The following GPI variants were observed in gnomAD, a reference collection of about 807,000 sequenced individuals.
The protein encoded by GPI is glucose-6-phosphate isomerase, also known as D-hexose-6-phosphate anomerase.
In GPI, 56 loss-of-function variants were observed where a neutral mutation model predicts 75.8. That is an observed-to-expected ratio of 0.74 (90% CI 0.60 to 0.92). The LOEUF (loss-of-function observed/expected upper bound fraction) is 0.92. GPI is among the 40% of genes least tolerant of loss of function. The probability of loss-of-function intolerance (pLI) is 0.00; values close to 1 mark genes in which losing one functional copy is unlikely to be tolerated. For missense variants in GPI, 638 were observed against 741.0 expected (o/e 0.86, Z 1.61); for synonymous variants, 288 against 285.4 (o/e 1.01, Z -0.09).
chr19:34,397,185 T>C (rs2074958616), intron 14 of GPI: 1 of 181,272 alleles, frequency 5.5e-6, no homozygotes, highest in Admixed American at 5.4e-5. Context: ...CAGGCTGAAA[T>C]CAAGGTGTCA....
In GPI at chr19:34,365,609, T is replaced by G. The variant is rs759270125; in HGVS notation, c.122+221T>G. The G allele has an allele frequency of 1.5e-5, 12 of 776,128 alleles. No homozygotes were observed. The Admixed American group carries it at 1.7e-4, about 11-fold the overall frequency. The allele number at this position is 776,128 out of a possible 1,614,324, so 48.1% of individuals were successfully genotyped here. Reference sequence around the variant, plus strand: ...TCGCCGGGAGTCTCGGCCCCGGGTCTGCTTCGTTACGAGGAAAAACGGGCC... The same window carrying G: ...TCGCCGGGAGTCTCGGCCCCGGGTCGGCTTCGTTACGAGGAAAAACGGGCC... On this transcript the variant is annotated intron_variant, in intron 1 of 17. Transcript: ENST00000356487.
At chr19:34,392,040 A>G (rs75226902) in intron 9 of GPI, among the ~76,000 whole-genome samples, 188 of 3,736 alleles carry the variant, frequency 0.05, no homozygotes, top group African/African-American at 0.063. Flanking sequence ...AATGTCTGAG[A>G]AGGTAGGATC....
Position 34,396,476 on chromosome 19 carries a change from G to C in GPI, c.1192+46G>C, listed in dbSNP as rs141136325. 158 of 1,613,582 alleles carry C rather than the reference G, an allele frequency of 9.8e-5. No homozygotes were observed. In the East Asian group the frequency reaches 3.4e-3, roughly 35 times the overall value. On this transcript the variant is annotated intron_variant, in intron 13 of 17. Transcript: ENST00000356487. ...AAGGGTGATGTTGGGGGAGGGAAAGGATCTTCCAGAAGAGATATCTCACTT... is the reference window on the plus strand; with the variant it reads ...AAGGGTGATGTTGGGGGAGGGAAAGCATCTTCCAGAAGAGATATCTCACTT...
At chr19:34,368,102 G>A (rs763235111) in intron 3 of GPI, among the ~76,000 whole-genome samples, 33 of 152,132 alleles carry the variant, frequency 2.2e-4, no homozygotes, top group Admixed American at 7.2e-4. Flanking sequence ...TGTATTTTTA[G>A]TAGAGACAGG....
In GPI at chr19:34,393,404, C is replaced by A; in HGVS notation, c.865+96C>A. On this transcript the variant is annotated intron_variant, in intron 10 of 17. Transcript: ENST00000356487. The surrounding 1 kb of genome is among the most constrained non-coding windows in gnomAD (Gnocchi z 4.4). ...TTGTGTCCCTGAACATCATGCTGTC[C>A]TCACAGGCTGCTGGCCTCTCTGCAG... 1 of 955,334 alleles carries A rather than the reference C, an allele frequency of 1.0e-6. No individual in the cohort carries two copies. Among genetic ancestry groups the A allele is most frequent in the East Asian group, 2.4e-5 (1 of 41,890 alleles). 59.2% of individuals were successfully genotyped at this position (955,334 alleles called of 1,614,324 possible).
At position 34,393,816 on chromosome 19, in the gene GPI, C is replaced by T. The variant is rs545958007; in HGVS notation, c.909+45C>T. 27 of 1,608,474 alleles carry T rather than the reference C, an allele frequency of 1.7e-5. No individual in the cohort carries two copies. Among genetic ancestry groups the T allele is most frequent in the South Asian group, 5.5e-5 (5 of 90,962 alleles). ...CTCTGCCAAGTGCTGGCCAGAGGCG[C>T]GTGTGTTGGTCCTGGTCCCCCGCTT... On this transcript the variant is annotated intron_variant, in intron 11 of 17. Coordinates refer to ENST00000356487, the MANE Select transcript of GPI (RefSeq NM_000175.5). This position sits in a 1 kb window ranked among gnomAD's most constrained non-coding sequence, Gnocchi z 4.4.
chr19:34,381,325 T>C, intron 8 of GPI, 141 bp from the exon 9 acceptor site: 1 of 746,150 alleles, frequency 1.3e-6, no homozygotes, highest in Non-Finnish European at 2.5e-6. Context: ...CACAGGCTGC[T>C]CCAGCCCTGC....
At chr19:34,384,771 A>T (rs2074707556) in intron 9 of GPI, among the ~76,000 whole-genome samples, 1 of 152,186 alleles carries the variant, frequency 6.6e-6, no homozygotes, top group Non-Finnish European at 1.5e-5. Flanking sequence ...GGCCAGGCAC[A>T]GTGGCTCACA....
chr19:34,382,411 GC>G, intron 9 of GPI, among the ~76,000 whole-genome samples: 2 of 152,288 alleles, frequency 1.3e-5, no homozygotes, highest in Non-Finnish European at 2.9e-5. Flanking sequence ...AGAGAATGAA[GC>G]CCTAATCCCT....
In GPI at chr19:34,399,384, G is replaced by A. The variant is rs1285914919; in HGVS notation, c.1398+49G>A. ...TGGGGTGCATGCTGGAGTTGGAGGTGTGAAGCTATGGCACCAGGCAGGGGC... is the reference window on the plus strand; with the variant it reads ...TGGGGTGCATGCTGGAGTTGGAGGTATGAAGCTATGGCACCAGGCAGGGGC... On this transcript the variant is annotated intron_variant, in intron 15 of 17. Coordinates refer to ENST00000356487, the MANE Select transcript of GPI (RefSeq NM_000175.5). 7 of 1,612,926 alleles carry A rather than the reference G, an allele frequency of 4.3e-6. 1 individual carries two copies. In the Admixed American group the frequency reaches 8.3e-5, roughly 19 times the overall value.
intron 1 of GPI, chr19:34,365,696 C>G (rs1159556951): frequency 3.6e-6 from 2 of 560,534 alleles, no homozygotes; most frequent in Admixed American, 4.4e-5. Context: ...AGCAGGGGCT[C>G]CTTTCGCAGT....
In GPI at chr19:34,399,700, C is replaced by G; in HGVS notation, c.1475-19C>G. 6.2e-7 allele frequency: 1 copy of G among 1,614,026 alleles called. No individual in the cohort carries two copies. The stretch of plus-strand genomic sequence containing the variant: ...TGGGCTTGTGGAGCCCTGATGTGCC[C>G]TGTCTGTCACTTCTGCAGCCATGTA... On this transcript the variant is annotated intron_variant, in intron 16 of 17. Transcript: ENST00000356487.
upstream of GPI, among the ~76,000 whole-genome samples, chr19:34,360,460 C>T (rs1325136002): frequency 6.6e-6 from 1 of 151,932 alleles, no homozygotes; most frequent in Non-Finnish European, 1.5e-5. Context: ...TTAGCCGGGA[C>T]GGGGTGGTCA....
At chr19:34,363,547 C>T (rs1213078282), upstream of GPI, among the ~76,000 whole-genome samples, 4 of 151,578 alleles carry the variant, frequency 2.6e-5, no homozygotes, top group Non-Finnish European at 4.4e-5. Context: ...AGAGGCCAGG[C>T]GCAGTGGCTC....
upstream of GPI, chr19:34,365,106 T>A: frequency 7.6e-7 from 1 of 1,307,594 alleles, no homozygotes. Flanking sequence ...GGGGCGCGGG[T>A]CGGGGGCGGG....
At chr19:34,397,676 G>A (rs1387448872) in intron 14 of GPI, 1 of 151,686 alleles carries the variant, frequency 6.6e-6, no homozygotes, top group African/African-American at 2.4e-5. Context: ...CTGGCTAACT[G>A]TTAAACTTTT....
intron 4 of GPI, 124 bp downstream of exon 4, chr19:34,368,826 A>G: frequency 9.1e-7 from 1 of 1,095,032 alleles, no homozygotes; most frequent in Non-Finnish European, 1.4e-6. Flanking sequence ...ACTGCAGCTT[A>G]AGGGAGGGGT....
chr19:34,378,893 C>T (rs747398221), intron 6 of GPI, 41 bp from the exon 7 acceptor site: 13 of 1,520,662 alleles, frequency 8.5e-6, no homozygotes, highest in Admixed American at 3.3e-5. Flanking sequence ...CTGCACCCAC[C>T]CCTAAGCTCG....
At chr19:34,379,235 C>G (rs2074602348) in intron 7 of GPI, among the ~76,000 whole-genome samples, 1 of 152,242 alleles carries the variant, frequency 6.6e-6, no homozygotes, top group Non-Finnish European at 1.5e-5. Context: ...TTGCATGGCC[C>G]TTTCTCTGCA....
Sources: allele counts gnomAD v4.1 joint callset (sites outside exome capture counted in the v4.1 genomes callset), GRCh38; gene constraint gnomAD v4.1.1; non-coding constraint Gnocchi (gnomAD v3.1); transcripts MANE v1.5; gene names NCBI Gene and HGNC (gene_info 2026-07-23, HGNC 2026-07-21).